The following FNIP1 variants were observed in gnomAD, a reference collection of about 807,000 sequenced individuals.
FNIP1 encodes the protein folliculin interacting protein 1.
In FNIP1, 40 loss-of-function variants were observed where a neutral mutation model predicts 124.5. That is an observed-to-expected ratio of 0.32 (90% CI 0.25 to 0.42). The LOEUF (loss-of-function observed/expected upper bound fraction) is 0.42. Ranked by LOEUF, FNIP1 falls within the 10% of genes least tolerant of loss-of-function variation. The probability of loss-of-function intolerance (pLI) is 1.00; values close to 1 mark genes in which losing one functional copy is unlikely to be tolerated. For missense variants in FNIP1, 1,176 were observed against 1,403.7 expected (o/e 0.84, Z 2.59); for synonymous variants, 472 against 470.6 (o/e 1.00, Z -0.04).
chr5:131,769,823 A>G (rs1440057208), intron 1 of FNIP1, among the ~76,000 whole-genome samples: 2 of 152,216 alleles, frequency 1.3e-5, no homozygotes, highest in East Asian at 3.8e-4. Flanking sequence ...CTGCTTTTCA[A>G]TTCCTTTATC....
chr5:131,649,982 C>T (rs893553481), intron 16 of FNIP1, among the ~76,000 whole-genome samples: 1 of 152,168 alleles, frequency 6.6e-6, no homozygotes, highest in Non-Finnish European at 1.5e-5. Flanking sequence ...GGTCTATATA[C>T]CTGTCCTTAT....
intron 11 of FNIP1, among the ~76,000 whole-genome samples, chr5:131,687,013 C>G (rs1158906968): frequency 1.4e-5 from 2 of 140,974 alleles, no homozygotes; most frequent in Non-Finnish European, 3.1e-5. Context: ...TTTTTTTTTC[C>G]TTTCTCAAAA....
At chr5:131,765,094 C>A (rs186548514) in intron 1 of FNIP1, among the ~76,000 whole-genome samples, 12 of 152,036 alleles carry the variant, frequency 7.9e-5, no homozygotes, top group Admixed American at 7.9e-4. Context: ...TGCTGGTGCA[C>A]GCCTGTAGTC....
In FNIP1 at chr5:131,677,837, T is replaced by C. The variant is rs1258116220; in HGVS notation, c.1385A>G (p.Asn462Ser). 18 of 1,613,930 alleles carry C rather than the reference T, an allele frequency of 1.1e-5. No homozygotes were observed. The highest frequency in any genetic ancestry group is 2.2e-5 in the South Asian group (2 of 91,076). Reference sequence around the variant, plus strand: ...GACTGTTGGAACCCAGGCAAGATGATTGGTCAGAACTGCAGTAATGAGAGC... The same window carrying C: ...GACTGTTGGAACCCAGGCAAGATGACTGGTCAGAACTGCAGTAATGAGAGC... Reference protein sequence around the residue: ...LPALITAVLTNHLAWVPTVMP... With the variant: ...LPALITAVLTSHLAWVPTVMP... The change falls in exon 13 of 18, where the codon AAT becomes AGT. Residue 462 changes from asparagine (N) to serine (S), a missense_variant. Asn to Ser is a conservative substitution (Grantham distance 46). This residue lies in a region of FNIP1 where 1,109 missense variants were observed against 1,288.5 expected (regional missense o/e 0.86). Transcript: ENST00000510461.
chr5:131,770,871 AGTTT>A (rs972064468), intron 1 of FNIP1, among the ~76,000 whole-genome samples: 1 of 152,208 alleles, frequency 6.6e-6, no homozygotes, highest in African/African-American at 2.4e-5. Context: ...CAAACATATC[AGTTT>A]GTTTGTATGT....
chr5:131,796,573 G>A (rs893920127), intron 1 of FNIP1: 2 of 530,858 alleles, frequency 3.8e-6, no homozygotes, highest in Admixed American at 3.4e-5. Flanking sequence ...GTCGCGCGTG[G>A]CTGGGGGCAG....
At chr5:131,765,963 A>G (rs1771407087) in intron 1 of FNIP1, among the ~76,000 whole-genome samples, 1 of 152,146 alleles carries the variant, frequency 6.6e-6, no homozygotes, top group Non-Finnish European at 1.5e-5. Context: ...GTTTCAGAAA[A>G]CATTCTTTCT....
rs765464461 is a variant in FNIP1, at chr5:131,719,318, G to A, written c.454C>T (p.Arg152Cys). The change falls in exon 4 of 18, where the codon CGT becomes TGT. Residue 152 changes from arginine (R) to cysteine (C), a missense_variant and splice_region_variant. Coordinates refer to ENST00000510461, the MANE Select transcript of FNIP1 (RefSeq NM_133372.3). ...AAAAAAAATCAGAAAACCTCTCACCGAATCTGATGAATTTTTAAGGTGGAT... is the reference window on the plus strand; with the variant it reads ...AAAAAAAATCAGAAAACCTCTCACCAAATCTGATGAATTTTTAAGGTGGAT... The part of the protein sequence containing the change: ...KGSTLKIHQI[R>C]SPPQLMLSKV... 9 of 1,598,206 alleles carry A rather than the reference G, an allele frequency of 5.6e-6. No homozygotes were observed. Among genetic ancestry groups the A allele is most frequent in the East Asian group, 2.2e-5 (1 of 44,748 alleles).
rs1472217839 is a variant in FNIP1 at position 131,647,078 on chromosome 5, C to T, written c.3422+12G>A. 6.2e-7 allele frequency: 1 copy of T among 1,612,082 alleles called. No homozygotes were observed. The highest frequency in any genetic ancestry group is 8.5e-7 in the Non-Finnish European group (1 of 1,178,472). On this transcript the variant is annotated intron_variant, in intron 17 of 17. Coordinates refer to ENST00000510461, the MANE Select transcript of FNIP1 (RefSeq NM_133372.3). ...AATGAAAGCAAAGCCAAAAAAGAAA[C>T]CATTAACATACCCCAGAACCACTCC... is the stretch of plus-strand genomic sequence containing the variant.
chr5:131,677,652 A>G (rs776935093), intron 13 of FNIP1, 51 bp downstream of exon 13: 3 of 1,480,822 alleles, frequency 2.0e-6, no homozygotes, highest in South Asian at 1.3e-5. Flanking sequence ...ATAATTACAG[A>G]TAGCTACAAA....
At chr5:131,702,880 T>C (rs1768949466) in intron 10 of FNIP1, among the ~76,000 whole-genome samples, 1 of 152,270 alleles carries the variant, frequency 6.6e-6, no homozygotes. Context: ...CCTCTGCTGG[T>C]TCCTTCTCAT....
rs182557621 is a variant in FNIP1 at position 131,725,948 on chromosome 5, T to C, written c.354+4956A>G. ...TCGAAGACCTTTTCTGCATCTGAGATAATCATGTGATTTTTGTCATTGGTT... is the reference window on the plus strand; with the variant it reads ...TCGAAGACCTTTTCTGCATCTGAGACAATCATGTGATTTTTGTCATTGGTT... On this transcript the variant is annotated intron_variant, in intron 3 of 17. Transcript: ENST00000510461. Among the ~76,000 whole-genome samples the C allele has an allele frequency of 5.3e-5, 8 of 152,264 alleles. No homozygotes were observed. In the East Asian group the frequency reaches 1.2e-3, roughly 22 times the overall value.
intron 5 of FNIP1, among the ~76,000 whole-genome samples, chr5:131,717,639 T>G (rs1309122409): frequency 6.6e-6 from 1 of 152,174 alleles, no homozygotes; most frequent in African/African-American, 2.4e-5. Context: ...CTATATCACT[T>G]CTTTTAGTGT....
intron 1 of FNIP1, among the ~76,000 whole-genome samples, chr5:131,760,344 G>C (rs780184528): frequency 9.9e-5 from 15 of 152,142 alleles, no homozygotes; most frequent in Non-Finnish European, 2.9e-5. Flanking sequence ...ACACTAGTTT[G>C]TATCTCAATA....
At chr5:131,726,761 T>C (rs993950593) in intron 3 of FNIP1, among the ~76,000 whole-genome samples, 1 of 152,232 alleles carries the variant, frequency 6.6e-6, no homozygotes, top group African/African-American at 2.4e-5. Context: ...TGTTAGGGTG[T>C]CAATTTTAGA....
At chr5:131,710,698 A>G in intron 6 of FNIP1, 37 bp from the exon 7 acceptor site, 5 of 1,586,944 alleles carry the variant, frequency 3.2e-6, no homozygotes, top group Non-Finnish European at 4.3e-6. Flanking sequence ...ATGAAAGAGG[A>G]CTGTTAGAGA....
At position 131,644,568 on chromosome 5, in the gene FNIP1, A is replaced by T; in HGVS notation, c.*117T>A. 1 of 815,192 alleles carries T rather than the reference A, an allele frequency of 1.2e-6. No individual in the cohort carries two copies. Among genetic ancestry groups the T allele is most frequent in the Non-Finnish European group, 2.0e-6 (1 of 495,926 alleles). The allele number at this position is 815,192 out of a possible 1,614,324, so 50.5% of individuals were successfully genotyped here. On this transcript the variant is annotated 3_prime_UTR_variant, in exon 18 of 18. Transcript: ENST00000510461. The stretch of plus-strand genomic sequence containing the variant: ...CAATGCTATGCAGAATACCCTGGTG[A>T]CTGACTCATTCAGATGGAAGTCTAA...
intron 1 of FNIP1, chr5:131,796,075 C>G (rs552576692): frequency 1.3e-5 from 2 of 152,318 alleles, no homozygotes; most frequent in Admixed American, 1.3e-4. Flanking sequence ...TTAACAAAGC[C>G]TGTAACACTA....
chr5:131,692,596 C>T (rs751227700), intron 11 of FNIP1, among the ~76,000 whole-genome samples: 2 of 152,048 alleles, frequency 1.3e-5, no homozygotes, highest in Non-Finnish European at 2.9e-5. Flanking sequence ...GAATAATCAA[C>T]ACAATACTTA....
Sources: gnomAD v4.1 joint callset for allele counts (sites outside exome capture counted in the v4.1 genomes callset) on GRCh38, gnomAD v4.1.1 for gene constraint, gnomAD v4.1.1 regional missense constraint, MANE v1.5 for transcripts, NCBI Gene and HGNC (gene_info 2026-07-23, HGNC 2026-07-21) for gene names.